BRINP3: variants seen among roughly 807,000 people sequenced by gnomAD.
BRINP3 encodes the protein BMP/retinoic acid inducible neural specific 3.
In BRINP3, 19 loss-of-function variants were observed where a neutral mutation model predicts 71.0. The ratio of observed to expected loss-of-function variants is 0.27; its 90% CI spans 0.19 to 0.39. The LOEUF is 0.39. Among genes scored for constraint, BRINP3 ranks in the 10% least tolerant of loss-of-function variants. The pLI, the probability that BRINP3 is intolerant of heterozygous loss-of-function variation, is 1.00. For synonymous variants in BRINP3, 380 were observed against 337.7 expected (o/e 1.13, Z -1.37); for missense variants, 959 against 940.8 (o/e 1.02, Z -0.25).
rs188084583 is a variant in BRINP3 at position 190,255,392 on chromosome 1, G to T, written c.618+9473C>A. ...CTTCTTTGTACCCCTGGTATAATTT[G>T]GCTGGGAATCCATCTGGTCCTCGAC... On this transcript the variant is annotated intron_variant, in intron 4 of 7. Transcript: ENST00000367462. Among the ~76,000 whole-genome samples, 20 of 152,136 alleles carry T rather than the reference G, an allele frequency of 1.3e-4. No homozygotes were observed. The East Asian group carries it at 3.9e-3, about 29-fold the overall frequency.
intron 6 of BRINP3, among the ~76,000 whole-genome samples, chr1:190,210,777 G>A (rs1288685324): frequency 1.3e-5 from 2 of 152,052 alleles, no homozygotes; most frequent in Non-Finnish European, 2.9e-5. Flanking sequence ...TGCCAAAGGG[G>A]ATTATCATTT....
intron 2 of BRINP3, among the ~76,000 whole-genome samples, chr1:190,300,614 T>G (rs1053509655): frequency 6.6e-6 from 1 of 152,072 alleles, no homozygotes; most frequent in African/African-American, 2.4e-5. Context: ...AGTGGGTACC[T>G]GACCTCTGAC....
chr1:190,386,599 G>A (rs1482791927), intron 2 of BRINP3, among the ~76,000 whole-genome samples: 1 of 151,774 alleles, frequency 6.6e-6, no homozygotes, highest in African/African-American at 2.4e-5. Context: ...AATTTTGTAA[G>A]GAATCAATAT....
At position 190,130,163 on chromosome 1, in the gene BRINP3, T is replaced by C. The variant is rs558092188; in HGVS notation, c.1184+30505A>G. 4.5e-4 allele frequency among the ~76,000 whole-genome samples: 68 copies of C among 152,128 alleles called. No individual in the cohort carries two copies. In the Middle Eastern group the frequency reaches 0.01, roughly 23 times the overall value. ...CAAGTTTTAAGAGCAAATAAGAGAA[T>C]TGACCCAAATCTTTGAGCTGTTTGA... On this transcript the variant is annotated intron_variant, in intron 7 of 7. Transcript: ENST00000367462.
At chr1:190,421,635 A>T (rs1434700412) in intron 2 of BRINP3, among the ~76,000 whole-genome samples, 2 of 151,730 alleles carry the variant, frequency 1.3e-5, no homozygotes, top group South Asian at 2.1e-4. Flanking sequence ...CACTTATGTG[A>T]CCATATAATA....
At chr1:190,415,899 C>G (rs1330605613) in intron 2 of BRINP3, among the ~76,000 whole-genome samples, 1 of 152,092 alleles carries the variant, frequency 6.6e-6, no homozygotes. Context: ...AGAGTAAGAA[C>G]TCGTTTCTTA....
chr1:190,435,430 G>A (rs1375589527), intron 2 of BRINP3, among the ~76,000 whole-genome samples: 1 of 151,836 alleles, frequency 6.6e-6, no homozygotes, highest in Non-Finnish European at 1.5e-5. Context: ...GAGGCAGAGA[G>A]AGCTTCTTGA....
intron 4 of BRINP3, among the ~76,000 whole-genome samples, chr1:190,241,023 A>C (rs986488432): frequency 6.6e-6 from 1 of 151,542 alleles, no homozygotes; most frequent in African/African-American, 2.4e-5. Flanking sequence ...TATTTCTATT[A>C]TCTCCTTTAA....
At chr1:190,418,040 C>G (rs1175389741) in intron 2 of BRINP3, among the ~76,000 whole-genome samples, 12 of 152,178 alleles carry the variant, frequency 7.9e-5, no homozygotes, top group Non-Finnish European at 1.6e-4. Context: ...ATCAATCCCT[C>G]TGCTGGGCAT....
At chr1:190,333,524 A>G (rs1051222644) in intron 2 of BRINP3, among the ~76,000 whole-genome samples, 1 of 151,998 alleles carries the variant, frequency 6.6e-6, no homozygotes, top group Non-Finnish European at 1.5e-5. Flanking sequence ...TGATCAAATT[A>G]TGTGTTCAAA....
chr1:190,258,137 T>C (rs1660839557), intron 4 of BRINP3, among the ~76,000 whole-genome samples: 2 of 152,240 alleles, frequency 1.3e-5, no homozygotes, highest in African/African-American at 4.8e-5. Flanking sequence ...TGGGGGGCTC[T>C]GCCCAGTTCA....
At chr1:190,130,912 G>T (rs1054605579) in intron 7 of BRINP3, among the ~76,000 whole-genome samples, 1 of 151,724 alleles carries the variant, frequency 6.6e-6, no homozygotes, top group Non-Finnish European at 1.5e-5. Context: ...ACCATACATC[G>T]GGATTCCTGA....
At chr1:190,447,165 T>G (rs1028917375) in intron 2 of BRINP3, among the ~76,000 whole-genome samples, 2 of 151,358 alleles carry the variant, frequency 1.3e-5, no homozygotes, top group East Asian at 3.9e-4. Context: ...TTTATAGGAG[T>G]AAGTAAGATA....
At chr1:190,337,903 A>G (rs1417131127) in intron 2 of BRINP3, among the ~76,000 whole-genome samples, 1 of 151,950 alleles carries the variant, frequency 6.6e-6, no homozygotes. Flanking sequence ...TGTGTTTTTT[A>G]AACTATGATA....
At chr1:190,284,967 G>T (rs1663310663) in intron 2 of BRINP3, among the ~76,000 whole-genome samples, 1 of 151,850 alleles carries the variant, frequency 6.6e-6, no homozygotes, top group Non-Finnish European at 1.5e-5. Context: ...AAAGAATAAA[G>T]CAAAATACTA....
chr1:190,377,154 A>T lies in BRINP3; in HGVS notation c.236+77501T>A, dbSNP rs903093349. Among the ~76,000 whole-genome samples, 4 of 152,138 alleles carry T rather than the reference A, an allele frequency of 2.6e-5. No individual in the cohort carries two copies. In the East Asian group the frequency reaches 5.8e-4, roughly 22 times the overall value. On this transcript the variant is annotated intron_variant, in intron 2 of 7. Coordinates refer to ENST00000367462, the MANE Select transcript of BRINP3 (RefSeq NM_199051.3). ...ATATTATAAAGTGCACCTCTAAAGC[A>T]CATGCCTAACCACCCCTGTACATGC...
At chr1:190,370,536 A>G (rs1289050973) in intron 2 of BRINP3, among the ~76,000 whole-genome samples, 2 of 152,240 alleles carry the variant, frequency 1.3e-5, no homozygotes, top group African/African-American at 2.4e-5. Flanking sequence ...ACTATCCAAT[A>G]CAGAAGTCTC....
chr1:190,385,526 A>G (rs1271608124), intron 2 of BRINP3, among the ~76,000 whole-genome samples: 3 of 151,904 alleles, frequency 2.0e-5, no homozygotes, highest in Admixed American at 6.6e-5. Context: ...CAAAACCACA[A>G]TGAGATACCA....
At chr1:190,454,601 A>C in intron 2 of BRINP3, 54 bp downstream of exon 2, 1 of 1,467,330 alleles carries the variant, frequency 6.8e-7, no homozygotes, top group Non-Finnish European at 9.4e-7. Flanking sequence ...AAACTTATGT[A>C]TACACAACCT....
Sources: gnomAD v4.1 joint callset for allele counts (sites outside exome capture counted in the v4.1 genomes callset) on GRCh38, gnomAD v4.1.1 for gene constraint, MANE v1.5 for transcripts, NCBI Gene and HGNC (gene_info 2026-07-23, HGNC 2026-07-21) for gene names.